TTBK1: variants seen among roughly 807,000 people sequenced by gnomAD.
TTBK1 encodes tau-tubulin kinase 1.
Under a neutral mutation model 108.5 loss-of-function variants are expected in TTBK1, and 34 were observed. The observed-to-expected ratio is 0.31, with a 90% confidence interval of 0.24 to 0.42. TTBK1 has a LOEUF of 0.42. Ranked by LOEUF, TTBK1 falls within the 10% of genes least tolerant of loss-of-function variation. The pLI is 1.00. For synonymous variants in TTBK1, 809 were observed against 795.1 expected (o/e 1.02, Z -0.29); for missense variants, 1,539 against 1,826.0 (o/e 0.84, Z 2.86).
Position 43,264,907 on chromosome 6 carries a change from G to A in TTBK1, c.1986+1557G>A, listed in dbSNP as rs535982690. 2.6e-5 allele frequency among the ~76,000 whole-genome samples: 4 copies of A among 152,132 alleles called. No individual in the cohort carries two copies. The South Asian group carries it at 8.3e-4, about 32-fold the overall frequency. On this transcript the variant is annotated intron_variant, in intron 13 of 14. Coordinates refer to ENST00000259750, the MANE Select transcript of TTBK1 (RefSeq NM_032538.3). ...GCAATGGCAACTCCTTGTGTGGGAG[G>A]ACTGAGGAACAAGGCTGGAAGGGCA...
At position 43,253,571 on chromosome 6, in the gene TTBK1, C is replaced by T; in HGVS notation, c.334C>T (p.Arg112Trp). 1.9e-6 allele frequency: 3 copies of T among 1,607,066 alleles called. No individual in the cohort carries two copies. The highest frequency in any genetic ancestry group is 2.5e-6 in the Non-Finnish European group (3 of 1,176,956). The change falls in exon 5 of 15, where the codon CGG becomes TGG. Residue 112 changes from arginine to tryptophan, a missense_variant. Coordinates refer to ENST00000259750, the MANE Select transcript of TTBK1 (RefSeq NM_032538.3). The surrounding 1 kb of genome is among the most constrained non-coding windows in gnomAD (Gnocchi z 5.8). ...FNYVVMQLQG[R>W]NLADLRRSQP... ...CCCCACCTCCACCCCCATGCAGGGC[C>T]GGAACCTGGCCGACCTGCGCCGTAG...
At chr6:43,267,045 GT>G (rs1173742779) in intron 13 of TTBK1, among the ~76,000 whole-genome samples, 1 of 125,444 alleles carries the variant, frequency 8.0e-6, no homozygotes, top group East Asian at 2.1e-4. Context: ...GTGTGTGTGT[GT>G]GTGTGTTCTG....
In TTBK1 at chr6:43,265,210, T is replaced by C. The variant is rs1021929446; in HGVS notation, c.1986+1860T>C. On this transcript the variant is annotated intron_variant, in intron 13 of 14. Coordinates refer to ENST00000259750, the MANE Select transcript of TTBK1 (RefSeq NM_032538.3). The surrounding 1 kb of genome is among the most constrained non-coding windows in gnomAD (Gnocchi z 4.1). ...GGTCCCACATTGGGGGCGTACACTC[T>C]AGGTGGCTCTGGGAGGTGCCCAGGT... 6.6e-6 allele frequency among the ~76,000 whole-genome samples: 1 copy of C among 152,158 alleles called. No individual in the cohort carries two copies. Among genetic ancestry groups the C allele is most frequent in the African/African-American group, 2.4e-5 (1 of 41,454 alleles).
rs113424266 is a variant in TTBK1, at chr6:43,286,565, C to T, written c.*1189C>T. The stretch of plus-strand genomic sequence containing the variant: ...CAGGTGGACCAACAGACAGCTGGCC[C>T]CTGGAGGCAGAAAGGCCCTTCTAAC... On this transcript the variant is annotated 3_prime_UTR_variant, in exon 15 of 15. Coordinates refer to ENST00000259750, the MANE Select transcript of TTBK1 (RefSeq NM_032538.3). This position sits in a 1 kb window ranked among gnomAD's most constrained non-coding sequence, Gnocchi z 4.6. 1 of 152,364 alleles carries T rather than the reference C, an allele frequency of 6.6e-6. No individual in the cohort carries two copies. Among genetic ancestry groups the T allele is most frequent in the African/African-American group, 2.4e-5 (1 of 41,428 alleles). 9.4% of individuals were successfully genotyped at this position (152,364 alleles called of 1,614,324 possible).
At position 43,259,586 on chromosome 6, in the gene TTBK1, T is replaced by A; in HGVS notation, c.1304T>A (p.Val435Glu). ...GGCATGGGGGTCCCCAGCTCCCCAG[T>A]GCGTGCCCCCCCAGACTCCCCCACA... ...SRGMGVPSSPVRAPPDSPTTP... is the reference protein window; with the variant it reads ...SRGMGVPSSPERAPPDSPTTP... Residue 435 changes from valine (V) to glutamate (E), a missense_variant, in exon 12 of 15, where the codon GTG becomes GAG. Coordinates refer to ENST00000259750, the MANE Select transcript of TTBK1 (RefSeq NM_032538.3). The surrounding 1 kb of genome is among the most constrained non-coding windows in gnomAD (Gnocchi z 6.7). 1 of 1,610,540 alleles carries A rather than the reference T, an allele frequency of 6.2e-7. No homozygotes were observed. The highest frequency in any genetic ancestry group is 8.5e-7 in the Non-Finnish European group (1 of 1,178,538).
At chr6:43,255,888 C>T (rs771579220) in intron 9 of TTBK1, 32 bp downstream of exon 9, 4 of 1,613,276 alleles carry the variant, frequency 2.5e-6, no homozygotes, top group South Asian at 2.2e-5. Flanking sequence ...CCCGCTCCCT[C>T]GACACCACTC....
At chr6:43,272,292 G>A in intron 13 of TTBK1, 1 of 985,464 alleles carries the variant, frequency 1.0e-6, no homozygotes, top group Non-Finnish European at 1.2e-6. Flanking sequence ...CCTGAGCACA[G>A]CTCCATCTCA....
intron 2 of TTBK1, among the ~76,000 whole-genome samples, chr6:43,247,746 G>A (rs1444659902): frequency 1.3e-5 from 2 of 152,162 alleles, no homozygotes; most frequent in African/African-American, 4.8e-5. Context: ...GTGAGGCCCG[G>A]GTGCAGGCGG....
Position 43,269,566 on chromosome 6 carries a change from G to T in TTBK1, c.1986+6216G>T. 2 of 1,446,492 alleles carry T rather than the reference G, an allele frequency of 1.4e-6. No individual in the cohort carries two copies. The highest frequency in any genetic ancestry group is 1.8e-6 in the Non-Finnish European group (2 of 1,093,578). The allele number at this position is 1,446,492 out of a possible 1,614,324, so 89.6% of individuals were successfully genotyped here. A position where few individuals can be genotyped will look rare whatever the true frequency, so the allele number is the denominator to read the frequency against. ...GCCGGCGCCGCAGGGGCTGTGAGCG[G>T]TGGGTGGCCCCGGAGACGGAGCTGT... On this transcript the variant is annotated intron_variant, in intron 13 of 14. Transcript: ENST00000259750. This position sits in a 1 kb window ranked among gnomAD's most constrained non-coding sequence, Gnocchi z 4.8.
chr6:43,282,774 T>C lies in TTBK1; in HGVS notation c.2034T>C (p.Ala678=), dbSNP rs1435243315. The C allele has an allele frequency of 6.8e-6, 11 of 1,613,450 alleles. No homozygotes were observed. The highest frequency in any genetic ancestry group is 7.6e-6 in the Non-Finnish European group (9 of 1,179,792). The change falls in exon 14 of 15, where the codon GCT becomes GCC. Residue 678 remains alanine, a synonymous_variant. Transcript: ENST00000259750. The surrounding 1 kb of genome is among the most constrained non-coding windows in gnomAD (Gnocchi z 5.4). ...TTGAGGTGAATGGCCTCCCACGAGC[T>C]GTGCCTCTGAGTCTGCCCTACCAGG... ...PPFEVNGLPR[A]VPLSLPYQDF...
intron 13 of TTBK1, chr6:43,271,662 C>T (rs1472947434): frequency 4.1e-6 from 4 of 985,272 alleles, no homozygotes; most frequent in Non-Finnish European, 4.8e-6. Context: ...CCAAACTGTC[C>T]ACACAGAGGG....
rs1202758252 is a variant in TTBK1, at chr6:43,286,251, C to T, written c.*875C>T. On this transcript the variant is annotated 3_prime_UTR_variant, in exon 15 of 15. Coordinates refer to ENST00000259750, the MANE Select transcript of TTBK1 (RefSeq NM_032538.3). This position sits in a 1 kb window ranked among gnomAD's most constrained non-coding sequence, Gnocchi z 4.6. ...AGTGGGAAGTTGGAGGGGGCTTTAA[C>T]AAAGTTTTACTCCCTCCCCTGTTCC... The T allele has an allele frequency of 6.5e-6, 1 of 152,708 alleles. No individual in the cohort carries two copies. Among genetic ancestry groups the T allele is most frequent in the Admixed American group, 6.5e-5 (1 of 15,280 alleles). 9.5% of individuals were successfully genotyped at this position (152,708 alleles called of 1,614,324 possible). A position where few individuals can be genotyped will look rare whatever the true frequency, so the allele number is the denominator to read the frequency against.
At chr6:43,262,122 C>A (rs1050408017) in intron 12 of TTBK1, among the ~76,000 whole-genome samples, 1 of 151,910 alleles carries the variant, frequency 6.6e-6, no homozygotes, top group African/African-American at 2.4e-5. Context: ...GGGGGTGGGC[C>A]GTAAGGGTGG....
Position 43,283,737 on chromosome 6 carries a change from TG to T in TTBK1, c.3001del (p.Ala1001ProfsTer93), listed in dbSNP as rs1305272314. On this transcript the variant is annotated frameshift_variant, in exon 14 of 15. Transcript: ENST00000259750. LOFTEE classifies it high-confidence loss of function. This position sits in a 1 kb window ranked among gnomAD's most constrained non-coding sequence, Gnocchi z 8.1. ...CTGAGATAGAGGGCTCTGCCCTGTC[TG>T]GGGCCCCCCGGGAAACCCCCTCAGA... The part of the protein sequence containing the change: ...GAEIEGSALS[G>X]APRETPSEMA... The T allele has an allele frequency of 6.2e-7, 1 of 1,608,236 alleles. No individual in the cohort carries two copies. Among genetic ancestry groups the T allele is most frequent in the Non-Finnish European group, 8.5e-7 (1 of 1,177,252 alleles).
chr6:43,267,837 C>T (rs934248862), intron 13 of TTBK1, among the ~76,000 whole-genome samples: 60 of 152,108 alleles, frequency 3.9e-4, no homozygotes, highest in Non-Finnish European at 7.3e-4. Context: ...AGACACTGCC[C>T]GGCAGCCACC....
intron 1 of TTBK1, among the ~76,000 whole-genome samples, chr6:43,246,158 C>A (rs781635981): frequency 6.6e-6 from 1 of 152,184 alleles, no homozygotes; most frequent in Non-Finnish European, 1.5e-5. Context: ...CCATGGGTCA[C>A]CCCTTGGGTA....
intron 12 of TTBK1, among the ~76,000 whole-genome samples, chr6:43,260,139 G>A (rs965600117): frequency 1.3e-4 from 20 of 152,202 alleles, no homozygotes; most frequent in Admixed American, 3.9e-4. Flanking sequence ...GCAAGTTTTG[G>A]GGGTTAGGGC....
chr6:43,257,917 A>C lies in TTBK1; in HGVS notation c.967A>C (p.Thr323Pro). 6.2e-7 allele frequency: 1 copy of C among 1,613,498 alleles called. No homozygotes were observed. The highest frequency in any genetic ancestry group is 8.5e-7 in the Non-Finnish European group (1 of 1,179,890). Residue 323 changes from threonine (T) to proline (P), a missense_variant, in exon 10 of 15, where the codon ACC becomes CCC. This residue lies in a region of TTBK1 where 277 missense variants were observed against 332.4 expected (regional missense o/e 0.83). Coordinates refer to ENST00000259750, the MANE Select transcript of TTBK1 (RefSeq NM_032538.3). This position sits in a 1 kb window ranked among gnomAD's most constrained non-coding sequence, Gnocchi z 4.5. ...AGTDALLSTSTSTPPQQNTRQ... is the reference protein window; with the variant it reads ...AGTDALLSTSPSTPPQQNTRQ... ...CACCGATGCCCTCCTGTCCACGAGC[A>C]CCTCTACCCCGCCCCAGCAGAACAC...
chr6:43,283,869 A>T lies in TTBK1; in HGVS notation c.3129A>T (p.Arg1043Ser). Reference protein sequence around the residue: ...SPEKVATISPRRHAMPGSRPR... With the variant: ...SPEKVATISPSRHAMPGSRPR... ...AGAAAGTGGCCACCATCTCCCCCAG[A>T]CGCCATGCTATGCCAGGCTCTCGCC... is the stretch of plus-strand genomic sequence containing the variant. The change falls in exon 14 of 15, where the codon AGA becomes AGT. Residue 1043 changes from arginine (R) to serine (S), a missense_variant. By Grantham distance (110) the Arg-to-Ser change is moderately radical. Transcript: ENST00000259750. The surrounding 1 kb of genome is among the most constrained non-coding windows in gnomAD (Gnocchi z 8.1). The T allele has an allele frequency of 6.2e-7, 1 of 1,610,704 alleles. No homozygotes were observed. Among genetic ancestry groups the T allele is most frequent in the Non-Finnish European group, 8.5e-7 (1 of 1,177,830 alleles).
Sources: gnomAD v4.1 joint callset for allele counts (sites outside exome capture counted in the v4.1 genomes callset) on GRCh38, gnomAD v4.1.1 for gene constraint, gnomAD v4.1.1 regional missense constraint, Gnocchi (gnomAD v3.1) non-coding constraint, MANE v1.5 for transcripts, NCBI Gene and HGNC (gene_info 2026-07-23, HGNC 2026-07-21) for gene names.